The following RAB2B variants were observed in gnomAD, a reference collection of about 807,000 sequenced individuals.
RAB2B encodes the protein RAB2B, member RAS oncogene family.
In RAB2B, 20 loss-of-function variants were observed where a neutral mutation model predicts 29.8. The observed-to-expected ratio is 0.67, with a 90% CI of 0.47 to 0.97. RAB2B has a LOEUF of 0.97. Among genes scored for constraint, RAB2B ranks in the 50% least tolerant of loss-of-function variants. The pLI is 0.00. For missense variants in RAB2B, 218 were observed against 272.0 expected (o/e 0.80, Z 1.40); for synonymous variants, 93 against 91.7 (o/e 1.01, Z -0.08).
chr14:21,467,866 A>G (rs1455647337), intron 5 of RAB2B, among the ~76,000 whole-genome samples: 2 of 152,238 alleles, frequency 1.3e-5, no homozygotes, highest in African/African-American at 2.4e-5. Flanking sequence ...AATGAATATT[A>G]CTCATCTTTA....
chr14:21,469,426 C>T (rs1434394228), intron 3 of RAB2B, among the ~76,000 whole-genome samples: 1 of 152,122 alleles, frequency 6.6e-6, no homozygotes, highest in East Asian at 1.9e-4. Flanking sequence ...AGAAAGAAGC[C>T]CAGGGCCCAG....
intron 3 of RAB2B, among the ~76,000 whole-genome samples, chr14:21,469,647 C>G (rs533331214): frequency 6.6e-6 from 1 of 152,222 alleles, no homozygotes; most frequent in African/African-American, 2.4e-5. Context: ...TACATTGAAT[C>G]TATCCTATTA....
chr14:21,460,395 G>A lies in RAB2B; in HGVS notation c.*801C>T, dbSNP rs1221038469. 2.2e-6 allele frequency: 1 copy of A among 448,630 alleles called. No homozygotes were observed. The highest frequency in any genetic ancestry group is 2.6e-5 in the Admixed American group (1 of 39,068). The allele number at this position is 448,630 out of a possible 1,614,324, so 27.8% of individuals were successfully genotyped here. ...AGGTCAAGAGATCAAGACCATCCTG[G>A]CCAACATGGTGAAACCCTGTCTCTA... On this transcript the variant is annotated 3_prime_UTR_variant, in exon 8 of 8. Coordinates refer to ENST00000397762, the MANE Select transcript of RAB2B (RefSeq NM_032846.4).
At chr14:21,461,869 C>T (rs1890563499) in intron 7 of RAB2B, among the ~76,000 whole-genome samples, 1 of 152,038 alleles carries the variant, frequency 6.6e-6, no homozygotes, top group Non-Finnish European at 1.5e-5. Flanking sequence ...CACACCTGGC[C>T]CCTGTGCTCA....
intron 6 of RAB2B, among the ~76,000 whole-genome samples, chr14:21,462,762 C>T (rs917326185): frequency 6.6e-5 from 10 of 150,924 alleles, no homozygotes; most frequent in African/African-American, 2.4e-4. Context: ...TCGCTTAAAC[C>T]CAGGAGCGCA....
In RAB2B at chr14:21,459,070, AAAAG is replaced by A. The variant is rs1890475728; in HGVS notation, c.*2122_*2125del. The A allele has an allele frequency of 6.6e-6, 1 of 152,640 alleles. No homozygotes were observed. Among genetic ancestry groups the A allele is most frequent in the African/African-American group, 2.4e-5 (1 of 41,452 alleles). 9.5% of individuals were successfully genotyped at this position (152,640 alleles called of 1,614,324 possible). A position where few individuals can be genotyped will look rare whatever the true frequency, so the allele number is the denominator to read the frequency against. On this transcript the variant is annotated 3_prime_UTR_variant, in exon 8 of 8. Transcript: ENST00000397762. ...ATAATGAAACAATTCATCAACAGCA[AAAAG>A]AAAGTAGAAAAATTCGTAAGACCTC...
intron 3 of RAB2B, among the ~76,000 whole-genome samples, chr14:21,471,765 T>C (rs1267552280): frequency 1.3e-5 from 2 of 149,772 alleles, no homozygotes; most frequent in Non-Finnish European, 3.0e-5. Context: ...AACCTCCGCC[T>C]CCCAGGTTCA....
rs1890743659 is a variant in RAB2B, at chr14:21,468,817, G to T, written c.187-65C>A. 4 of 1,008,056 alleles carry T rather than the reference G, an allele frequency of 4.0e-6. No individual in the cohort carries two copies. In the Admixed American group the frequency reaches 7.7e-5, roughly 19 times the overall value. 62.4% of individuals were successfully genotyped at this position (1,008,056 alleles called of 1,614,324 possible). Reference sequence around the variant, plus strand: ...CAGGTTATTTCCACAGAACCGACTTGATCACATGCCACCCTAATACAAAGG... The same window carrying T: ...CAGGTTATTTCCACAGAACCGACTTTATCACATGCCACCCTAATACAAAGG... On this transcript the variant is annotated intron_variant, in intron 3 of 7. Transcript: ENST00000397762.
chr14:21,472,007 T>C (rs1304499303), intron 3 of RAB2B, among the ~76,000 whole-genome samples: 2 of 152,066 alleles, frequency 1.3e-5, no homozygotes, highest in East Asian at 3.9e-4. Context: ...AATTAATAGC[T>C]TTCTAATCTC....
At chr14:21,468,603 G>GGAA in intron 4 of RAB2B, 67 bp downstream of exon 4, 1 of 1,081,628 alleles carries the variant, frequency 9.2e-7, no homozygotes, top group East Asian at 2.6e-5. Flanking sequence ...TCAGTAGATA[G>GGAA]AAAAAAAAAA....
In RAB2B at chr14:21,461,213, T is replaced by G. The variant is rs773369232; in HGVS notation, c.634A>C (p.Asn212His). 2 of 1,613,134 alleles carry G rather than the reference T, an allele frequency of 1.2e-6. No homozygotes were observed. Among genetic ancestry groups the G allele is most frequent in the South Asian group, 1.1e-5 (1 of 90,980 alleles). The part of the protein sequence containing the change: ...SQRNSRDIGS[N>H]SGCC ...CCAGATGTTCAGCAGCAGCCAGAGT[T>G]GGACCCTATGTCACGAGAGTTCCGC... Residue 212 changes from asparagine (N) to histidine (H), a missense_variant, in exon 8 of 8, where the codon AAC becomes CAC. Coordinates refer to ENST00000397762, the MANE Select transcript of RAB2B (RefSeq NM_032846.4).
rs1050040413 is a variant in RAB2B, at chr14:21,461,026, G to C, written c.*170C>G. 1 of 523,114 alleles carries C rather than the reference G, an allele frequency of 1.9e-6. No individual in the cohort carries two copies. The highest frequency in any genetic ancestry group is 2.0e-5 in the African/African-American group (1 of 51,056). 32.4% of individuals were successfully genotyped at this position (523,114 alleles called of 1,614,324 possible). On this transcript the variant is annotated 3_prime_UTR_variant, in exon 8 of 8. Transcript: ENST00000397762. ...TATAGGGAATGCTCATGTCCCTGAA[G>C]GAGGACAGGTCAGTAAGGGCCCAAA...
chr14:21,468,582 C>G (rs1388805383), intron 4 of RAB2B, 88 bp downstream of exon 4: 1 of 1,283,350 alleles, frequency 7.8e-7, no homozygotes, highest in Non-Finnish European at 1.1e-6. Flanking sequence ...TAGTTAACAT[C>G]CTTAACAGAA....
At chr14:21,473,572 TAA>T (rs1477299649) in intron 3 of RAB2B, among the ~76,000 whole-genome samples, 2 of 152,214 alleles carry the variant, frequency 1.3e-5, no homozygotes, top group Admixed American at 6.5e-5. Context: ...AACATTGGCA[TAA>T]AAACTTTGTA....
intron 2 of RAB2B, 145 bp from the exon 3 acceptor site, chr14:21,475,079 T>G: frequency 1.6e-6 from 1 of 628,122 alleles, no homozygotes; most frequent in Non-Finnish European, 2.8e-6. Flanking sequence ...GCCTATTTGC[T>G]CCAATTAATT....
chr14:21,465,626 C>G (rs991051948), intron 5 of RAB2B, among the ~76,000 whole-genome samples: 6 of 152,168 alleles, frequency 3.9e-5, no homozygotes, highest in African/African-American at 1.4e-4. Flanking sequence ...TCTGATCAAG[C>G]CACTTCTCTA....
Position 21,468,380 on chromosome 14 carries a change from A to C in RAB2B, c.339T>G (p.Val113=). ...DARQHSSSNM[V]IMLIGNKSDL... The stretch of plus-strand genomic sequence containing the variant: ...ACCTCTTATTCCCAATGAGCATGAT[A>C]ACCATGTTGGAACTAGAGTGCTGCC... Residue 113 remains valine (V), a synonymous_variant, in exon 5 of 8, where the codon GTT becomes GTG. Coordinates refer to ENST00000397762, the MANE Select transcript of RAB2B (RefSeq NM_032846.4). 6.2e-7 allele frequency: 1 copy of C among 1,613,894 alleles called. No homozygotes were observed. Among genetic ancestry groups the C allele is most frequent in the Non-Finnish European group, 8.5e-7 (1 of 1,179,832 alleles).
intron 5 of RAB2B, among the ~76,000 whole-genome samples, chr14:21,466,323 A>G (rs1472796596): frequency 4.6e-5 from 7 of 152,186 alleles, no homozygotes. Flanking sequence ...CGTCTATACT[A>G]AAAATACAAA....
At chr14:21,474,773 C>A in intron 3 of RAB2B, 94 bp downstream of exon 3, 1 of 976,170 alleles carries the variant, frequency 1.0e-6, no homozygotes, top group Non-Finnish European at 1.6e-6. Context: ...TTATCCCCAC[C>A]ATTAGTTCCA....
Sources: allele counts gnomAD v4.1 joint callset (sites outside exome capture counted in the v4.1 genomes callset), GRCh38; gene constraint gnomAD v4.1.1; transcripts MANE v1.5; gene names NCBI Gene and HGNC (gene_info 2026-07-23, HGNC 2026-07-21).